Variants in INPP5A observed in about 807,000 individuals in gnomAD.
INPP5A encodes the protein 43 kDa inositol polyphosphate 5-phophatase.
INPP5A carries 14 observed loss-of-function variants against 65.2 expected under a neutral mutation model. That is an observed-to-expected ratio of 0.21 (90% CI 0.14 to 0.34). The LOEUF is 0.34. INPP5A is among the 10% of genes least tolerant of loss of function. The pLI is 1.00. For synonymous variants in INPP5A, 207 were observed against 208.3 expected, an observed-to-expected ratio of 0.99 and a Z score of 0.05; for missense variants, 431 against 545.6, an observed-to-expected ratio of 0.79 and a Z score of 2.09.
At chr10:132,646,049 G>T in intron 3 of INPP5A, 81 bp downstream of exon 3, 1 of 882,942 alleles carries the variant, frequency 1.1e-6, no homozygotes, top group South Asian at 1.4e-5. Flanking sequence ...ATGGTACTAT[G>T]ATCACCAGCC....
At chr10:132,560,972 T>C (rs1486709784) in intron 1 of INPP5A, among the ~76,000 whole-genome samples, 3 of 151,994 alleles carry the variant, frequency 2.0e-5, no homozygotes, top group Non-Finnish European at 4.4e-5. Context: ...TAGACCCTTA[T>C]TAGATAGATA....
chr10:132,783,314 G>A lies in INPP5A; in HGVS notation c.*1285G>A, dbSNP rs1159641090. 2 of 152,380 alleles carry A rather than the reference G, an allele frequency of 1.3e-5. No individual in the cohort carries two copies. Among genetic ancestry groups the A allele is most frequent in the Non-Finnish European group, 2.9e-5 (2 of 68,036 alleles). 9.4% of individuals were successfully genotyped at this position (152,380 alleles called of 1,614,324 possible). A position where few individuals can be genotyped will look rare whatever the true frequency, so the allele number is the denominator to read the frequency against. On this transcript the variant is annotated 3_prime_UTR_variant, in exon 16 of 16. Transcript: ENST00000368594. ...CTGCAAGTGACTGCTGTCCGCTGCG[G>A]AATCTGTTCTTGGTGGAAGCACAGG...
chr10:132,780,721 G>T (rs1307533257), intron 13 of INPP5A, 128 bp from the exon 14 acceptor site: 2 of 786,514 alleles, frequency 2.5e-6, no homozygotes, highest in Non-Finnish European at 4.5e-6. Context: ...GGCTGGGGAG[G>T]TACTGGCAGG....
intron 1 of INPP5A, among the ~76,000 whole-genome samples, chr10:132,589,239 C>T (rs994111774): frequency 3.3e-5 from 5 of 152,328 alleles, no homozygotes; most frequent in Middle Eastern, 3.4e-3. Context: ...GCTGAGGGAG[C>T]GCTGGGGTCG....
intron 7 of INPP5A, 59 bp from the exon 8 acceptor site, chr10:132,710,278 G>A (rs370802242): frequency 6.3e-6 from 10 of 1,586,146 alleles, no homozygotes; most frequent in South Asian, 5.7e-5. Context: ...TTGGGAGAAC[G>A]AAGTGTGACC....
rs910288634 is a variant in INPP5A, at chr10:132,606,303, G to A, written c.76-1612G>A. Among the ~76,000 whole-genome samples, 5 of 152,080 alleles carry A rather than the reference G, an allele frequency of 3.3e-5. No individual in the cohort carries two copies. The South Asian group carries it at 1.0e-3, about 32-fold the overall frequency. ...GGGTCCTCAGTGGCGGGACAGCGGC[G>A]TGGGTCAGTCGCCTCCCCTCCTGCC... On this transcript the variant is annotated intron_variant, in intron 1 of 15. Transcript: ENST00000368594.
At chr10:132,693,013 A>G (rs897029110) in intron 5 of INPP5A, among the ~76,000 whole-genome samples, 4 of 152,266 alleles carry the variant, frequency 2.6e-5, no homozygotes, top group African/African-American at 9.6e-5. Flanking sequence ...CAGAAAAGTC[A>G]TAAGGACAGG....
chr10:132,712,616 ATGTG>A (rs138245883), intron 8 of INPP5A, among the ~76,000 whole-genome samples: 1 of 137,118 alleles, frequency 7.3e-6, no homozygotes, highest in African/African-American at 2.7e-5. Context: ...GTGTGGGTGC[ATGTG>A]TGTGTGGGTA....
At chr10:132,763,687 A>G (rs1846776158) in intron 11 of INPP5A, among the ~76,000 whole-genome samples, 1 of 151,850 alleles carries the variant, frequency 6.6e-6, no homozygotes, top group African/African-American at 2.4e-5. Flanking sequence ...ACGTGCCTGC[A>G]TGCAAACACA....
chr10:132,714,753 A>T (rs1347552681), intron 8 of INPP5A, among the ~76,000 whole-genome samples: 1 of 152,232 alleles, frequency 6.6e-6, no homozygotes, highest in East Asian at 1.9e-4. Flanking sequence ...GCTCTGAGTT[A>T]AAGTCTTCAG....
intron 2 of INPP5A, among the ~76,000 whole-genome samples, chr10:132,608,617 G>A (rs914687960): frequency 2.0e-5 from 3 of 152,186 alleles, no homozygotes; most frequent in Admixed American, 2.0e-4. Context: ...AGGACTGGGT[G>A]CATGGGGGAG....
chr10:132,562,569 G>A (rs993806327), intron 1 of INPP5A, among the ~76,000 whole-genome samples: 28 of 152,242 alleles, frequency 1.8e-4, no homozygotes, highest in Middle Eastern at 3.2e-3. Flanking sequence ...TGTGGCTGCC[G>A]CCTGCGGCTC....
chr10:132,691,163 G>T (rs565752266), intron 5 of INPP5A, among the ~76,000 whole-genome samples: 2 of 152,334 alleles, frequency 1.3e-5, no homozygotes, highest in South Asian at 4.1e-4. Flanking sequence ...CTCGGGAGAC[G>T]GAGCGGCTCC....
chr10:132,744,250 C>T (rs1037891067), intron 9 of INPP5A, among the ~76,000 whole-genome samples: 5 of 152,178 alleles, frequency 3.3e-5, no homozygotes, highest in South Asian at 2.1e-4. Flanking sequence ...GAGCCCCCCA[C>T]GGATTGACTC....
At chr10:132,728,098 C>T (rs1846016839) in intron 9 of INPP5A, among the ~76,000 whole-genome samples, 1 of 152,188 alleles carries the variant, frequency 6.6e-6, no homozygotes, top group South Asian at 2.1e-4. Context: ...TGTCACAAGG[C>T]CCCACCGCAT....
At chr10:132,673,926 G>A (rs2072928330) in intron 4 of INPP5A, among the ~76,000 whole-genome samples, 1 of 152,240 alleles carries the variant, frequency 6.6e-6, no homozygotes, top group East Asian at 1.9e-4. Context: ...AGTGGCCGTA[G>A]CCAGATCAGC....
intron 14 of INPP5A, 84 bp from the exon 15 acceptor site, chr10:132,781,777 T>G (rs1565017543): frequency 6.3e-6 from 7 of 1,119,514 alleles, no homozygotes; most frequent in Non-Finnish European, 9.5e-6. Context: ...AGACGCAGGG[T>G]CTGGGGGTGC....
At chr10:132,693,420 C>T (rs1261375558) in intron 5 of INPP5A, among the ~76,000 whole-genome samples, 8 of 152,136 alleles carry the variant, frequency 5.3e-5, no homozygotes, top group African/African-American at 1.9e-4. Flanking sequence ...ATGTTGTCTT[C>T]TAGAAACCCA....
chr10:132,704,142 G>A lies in INPP5A; in HGVS notation c.475-4171G>A, dbSNP rs1054904325. ...TCAGGCCCCCCAGTCCCCCCAGACA[G>A]GAGGTGTCGAGGCACGGAAGATGAG... On this transcript the variant is annotated intron_variant, in intron 6 of 15. Transcript: ENST00000368594. The surrounding 1 kb of genome is among the most constrained non-coding windows in gnomAD (Gnocchi z 4.5). 2.0e-5 allele frequency among the ~76,000 whole-genome samples: 3 copies of A among 152,046 alleles called. No homozygotes were observed. The highest frequency in any genetic ancestry group is 4.4e-5 in the Non-Finnish European group (3 of 68,012).
Sources: allele counts gnomAD v4.1 joint callset (sites outside exome capture counted in the v4.1 genomes callset), GRCh38; gene constraint gnomAD v4.1.1; non-coding constraint Gnocchi (gnomAD v3.1); transcripts MANE v1.5; gene names NCBI Gene and HGNC (gene_info 2026-07-23, HGNC 2026-07-21).